ATRIP: variants seen among roughly 807,000 people sequenced by gnomAD.
ATRIP encodes ATR interacting protein, also known as ATR-interacting protein.
In ATRIP, 44 loss-of-function variants were observed where a neutral mutation model predicts 78.1. That is an observed-to-expected ratio of 0.56 (90% confidence interval 0.44 to 0.72). ATRIP has a LOEUF of 0.72. Among genes scored for constraint, ATRIP ranks in the 30% least tolerant of loss-of-function variants. The pLI is 0.00. For synonymous variants in ATRIP, 388 were observed against 408.9 expected, an observed-to-expected ratio of 0.95 and a Z score of 0.62; for missense variants, 927 against 980.2, an observed-to-expected ratio of 0.95 and a Z score of 0.72.
At position 48,466,521 on chromosome 3, in the gene ATRIP, A is replaced by G. The variant is rs756884666; in HGVS notation, c.*967A>G. 22 of 1,613,796 alleles carry G rather than the reference A, an allele frequency of 1.4e-5. No individual in the cohort carries two copies. The highest frequency in any genetic ancestry group is 1.1e-5 in the South Asian group (1 of 91,076). ...CCCTGGAGCTCGCAGACAGGGCAGG[A>G]TTGTGCAGGGAAGGCCTGAGATGTG... On this transcript the variant is annotated 3_prime_UTR_variant, in exon 13 of 13. Transcript: ENST00000320211.
intron 4 of ATRIP, among the ~76,000 whole-genome samples, chr3:48,455,139 A>G (rs562058705): frequency 1.7e-4 from 26 of 152,316 alleles, no homozygotes; most frequent in Admixed American, 1.6e-3. Flanking sequence ...CTGGGATTAC[A>G]AGCATGAGCC....
chr3:48,465,725 T>G lies in ATRIP; in HGVS notation c.*171T>G. 1 of 623,102 alleles carries G rather than the reference T, an allele frequency of 1.6e-6. No individual in the cohort carries two copies. The highest frequency in any genetic ancestry group is 2.8e-6 in the Non-Finnish European group (1 of 359,708). The allele number at this position is 623,102 out of a possible 1,614,324, so 38.6% of individuals were successfully genotyped here. A position where few individuals can be genotyped will look rare whatever the true frequency, so the allele number is the denominator to read the frequency against. ...GGTGGAGCAGGACCCGGACCCTGAG[T>G]GGCTGGGATCCTTCTTCCTGTCCCT... On this transcript the variant is annotated 3_prime_UTR_variant, in exon 13 of 13. Transcript: ENST00000320211.
intron 4 of ATRIP, among the ~76,000 whole-genome samples, chr3:48,456,286 A>T (rs946215790): frequency 4.6e-5 from 7 of 151,768 alleles, no homozygotes; most frequent in East Asian, 2.0e-4. Flanking sequence ...TACTTAAAAA[A>T]AAAATAAAAT....
chr3:48,466,078 C>T lies in ATRIP; in HGVS notation c.*524C>T. 1 of 366,366 alleles carries T rather than the reference C, an allele frequency of 2.7e-6. No homozygotes were observed. Among genetic ancestry groups the T allele is most frequent in the Non-Finnish European group, 5.3e-6 (1 of 190,460 alleles). 22.7% of individuals were successfully genotyped at this position (366,366 alleles called of 1,614,324 possible). ...GCATTGTGCCACCAGCAGGCCACAG[C>T]TGTGGATCTTGGAAGGCCTCTGGGG... is the stretch of plus-strand genomic sequence containing the variant. On this transcript the variant is annotated 3_prime_UTR_variant, in exon 13 of 13. Transcript: ENST00000320211.
rs772162965 is a variant in ATRIP, at chr3:48,464,101, T to C, written c.1943T>C (p.Leu648Ser). ...ACATCACGGCCTGACAGAGTGGCCT[T>C]GGAGACACAATGGCTCCAGCTGGAA... is the stretch of plus-strand genomic sequence containing the variant. ...YITSRPDRVA[L>S]ETQWLQLEQE... The change falls in exon 10 of 13, where the codon TTG becomes TCG. Residue 648 changes from leucine to serine, a missense_variant. By Grantham distance (145) the Leu-to-Ser change is moderately radical. Coordinates refer to ENST00000320211, the MANE Select transcript of ATRIP (RefSeq NM_130384.3). 7 of 1,613,764 alleles carry C rather than the reference T, an allele frequency of 4.3e-6. No individual in the cohort carries two copies. In the East Asian group the frequency reaches 1.3e-4, roughly 31 times the overall value.
chr3:48,458,356 C>G (rs2040010084), intron 5 of ATRIP, among the ~76,000 whole-genome samples: 1 of 150,414 alleles, frequency 6.6e-6, no homozygotes, highest in African/African-American at 2.5e-5. Flanking sequence ...CGGAGTCTCA[C>G]TCTGTCACCA....
rs554411551 is a variant in ATRIP, at chr3:48,459,362, G to T, written c.833G>T (p.Ser278Ile). Residue 278 changes from serine to isoleucine, a missense_variant, in exon 6 of 13, where the codon AGT (serine) becomes ATT (isoleucine). By Grantham distance (142) the Ser-to-Ile change is moderately radical. Coordinates refer to ENST00000320211, the MANE Select transcript of ATRIP (RefSeq NM_130384.3). Reference protein sequence around the residue: ...GYKPLVGREDSKPHSLRGDSI... With the variant: ...GYKPLVGREDIKPHSLRGDSI... The stretch of plus-strand genomic sequence containing the variant: ...TTTACATTTTATCACATTTCAGATA[G>T]TAAGCCCCACAGTCTGAGAGGTGAC... The T allele has an allele frequency of 6.2e-7, 1 of 1,613,598 alleles. No individual in the cohort carries two copies. The highest frequency in any genetic ancestry group is 1.1e-5 in the South Asian group (1 of 91,080).
Position 48,460,092 on chromosome 3 carries a change from C to T in ATRIP, c.1056-18C>T, listed in dbSNP as rs760821974. ...TCCATCCCACACTTAATCTATTTTT[C>T]TTTGTGTTTGTTGCCAGTACCTTGG... On this transcript the variant is annotated intron_variant, in intron 7 of 12. Transcript: ENST00000320211. 1 of 1,594,146 alleles carries T rather than the reference C, an allele frequency of 6.3e-7. No individual in the cohort carries two copies. The highest frequency in any genetic ancestry group is 8.5e-7 in the Non-Finnish European group (1 of 1,170,308).
intron 2 of ATRIP, 129 bp downstream of exon 2, chr3:48,450,299 T>A (rs982723251): frequency 2.4e-6 from 3 of 1,267,586 alleles, no homozygotes; most frequent in Non-Finnish European, 3.2e-6. Context: ...GGGAAAAGAC[T>A]AGGGAAAGAA....
chr3:48,464,007 G>A (rs761397762), intron 9 of ATRIP, 34 bp from the exon 10 acceptor site: 30 of 1,608,716 alleles, frequency 1.9e-5, no homozygotes, highest in South Asian at 6.6e-5. Context: ...ATGAGAAAGG[G>A]CACCCTGAGT....
Position 48,465,644 on chromosome 3 carries a change from C to G in ATRIP, c.*90C>G, listed in dbSNP as rs1192128054. 3 of 1,331,242 alleles carry G rather than the reference C, an allele frequency of 2.3e-6. No individual in the cohort carries two copies. The highest frequency in any genetic ancestry group is 1.8e-5 in the Admixed American group (1 of 56,338). The allele number at this position is 1,331,242 out of a possible 1,614,324, so 82.5% of individuals were successfully genotyped here. The stretch of plus-strand genomic sequence containing the variant: ...TAAAGCAGTGACCAGCAGGAACTGC[C>G]CAGAGAACTGGCTGGCCTTGTTTCC... On this transcript the variant is annotated 3_prime_UTR_variant, in exon 13 of 13. Transcript: ENST00000320211.
intron 12 of ATRIP, 93 bp downstream of exon 12, chr3:48,465,176 C>T: frequency 6.7e-7 from 1 of 1,488,250 alleles, no homozygotes; most frequent in Middle Eastern, 2.2e-4. Context: ...CTCAGCAGGC[C>T]CCCGCCCACT....
At position 48,467,397 on chromosome 3, in the gene ATRIP, G is replaced by C. The variant is rs2040376306; in HGVS notation, c.*1843G>C. 6.2e-7 allele frequency: 1 copy of C among 1,614,216 alleles called. No individual in the cohort carries two copies. ...TAGGACCAAGCCAAGACCATCTGCT[G>C]TCACAACCACTGCACACCTGGCCAC... On this transcript the variant is annotated 3_prime_UTR_variant, in exon 13 of 13. Coordinates refer to ENST00000320211, the MANE Select transcript of ATRIP (RefSeq NM_130384.3).
intron 1 of ATRIP, among the ~76,000 whole-genome samples, chr3:48,448,773 G>A (rs1432045844): frequency 6.6e-6 from 1 of 152,220 alleles, no homozygotes; most frequent in Non-Finnish European, 1.5e-5. Flanking sequence ...CTAGGGAAAT[G>A]TTCCAATCAT....
At chr3:48,456,397 G>A (rs2039955196) in intron 4 of ATRIP, among the ~76,000 whole-genome samples, 1 of 151,866 alleles carries the variant, frequency 6.6e-6, no homozygotes, top group Admixed American at 6.6e-5. Context: ...TAGGCAACAT[G>A]GTGAAACTCT....
Position 48,466,219 on chromosome 3 carries a change from C to A in ATRIP, c.*665C>A, listed in dbSNP as rs548710061. ...TCACGTGGGCCTGTAGGCGGGCCCA[C>A]GCCAAGTTTCACTTCCCGCCACTGC... On this transcript the variant is annotated 3_prime_UTR_variant, in exon 13 of 13. Coordinates refer to ENST00000320211, the MANE Select transcript of ATRIP (RefSeq NM_130384.3). 1 of 576,068 alleles carries A rather than the reference C, an allele frequency of 1.7e-6. No homozygotes were observed. Among genetic ancestry groups the A allele is most frequent in the African/African-American group, 1.9e-5 (1 of 53,664 alleles). The allele number at this position is 576,068 out of a possible 1,614,324, so 35.7% of individuals were successfully genotyped here.
chr3:48,447,073 C>T lies in ATRIP; in HGVS notation c.228C>T (p.Ala76=). 6.4e-7 allele frequency: 1 copy of T among 1,561,884 alleles called. No individual in the cohort carries two copies. Among genetic ancestry groups the T allele is most frequent in the South Asian group, 1.2e-5 (1 of 85,826 alleles). Residue 76 remains alanine (A), a synonymous_variant, in exon 1 of 13, where the codon GCC becomes GCT. Transcript: ENST00000320211. ...CACAGGCCCTGAGCCAATGTCCGGC[C>T]GCGGCTCGGGACGTGTCCAGTGAGT... is the stretch of plus-strand genomic sequence containing the variant. The part of the protein sequence containing the change: ...LASQALSQCP[A]AARDVSSDHK...
At position 48,466,979 on chromosome 3, in the gene ATRIP, C is replaced by G; in HGVS notation, c.*1425C>G. On this transcript the variant is annotated 3_prime_UTR_variant, in exon 13 of 13. Transcript: ENST00000320211. ...TTGATGACAACCTGGCCAACCTGCT[C>G]CTAGCCTTCCTGCGGCGCCAGCCAC... The G allele has an allele frequency of 1.9e-6, 3 of 1,612,984 alleles. No homozygotes were observed. Among genetic ancestry groups the G allele is most frequent in the Non-Finnish European group, 2.5e-6 (3 of 1,180,022 alleles).
In ATRIP at chr3:48,466,557, C is replaced by G. The variant is rs371026419; in HGVS notation, c.*1003C>G. 4 of 1,613,870 alleles carry G rather than the reference C, an allele frequency of 2.5e-6. No homozygotes were observed. Among genetic ancestry groups the G allele is most frequent in the South Asian group, 1.1e-5 (1 of 91,082 alleles). Reference sequence around the variant, plus strand: ...AAGGCCTGAGATGTGCTTCTGCCCACCCCCTACCCCACTCCCTCCCCTTCG... The same window carrying G: ...AAGGCCTGAGATGTGCTTCTGCCCAGCCCCTACCCCACTCCCTCCCCTTCG... On this transcript the variant is annotated 3_prime_UTR_variant, in exon 13 of 13. Coordinates refer to ENST00000320211, the MANE Select transcript of ATRIP (RefSeq NM_130384.3).
Sources: gnomAD v4.1 joint callset for allele counts (sites outside exome capture counted in the v4.1 genomes callset) on GRCh38, gnomAD v4.1.1 for gene constraint, MANE v1.5 for transcripts, NCBI Gene and HGNC (gene_info 2026-07-23, HGNC 2026-07-21) for gene names.